Variants in SLC30A8 observed in about 807,000 individuals in gnomAD.
The protein encoded by SLC30A8 is solute carrier family 30 member 8, also known as proton-coupled zinc antiporter SLC30A8.
A neutral mutation model predicts 36.9 loss-of-function variants in SLC30A8; 27 were observed. That is an observed-to-expected ratio of 0.73 (90% CI 0.54 to 1.01). The LOEUF is 1.01. SLC30A8 is among the 50% of genes least tolerant of loss of function. The pLI is 0.00. For missense variants in SLC30A8, 439 were observed against 452.0 expected, an observed-to-expected ratio of 0.97 and a Z score of 0.26; for synonymous variants, 164 against 172.4, an observed-to-expected ratio of 0.95 and a Z score of 0.38.
intron 1 of SLC30A8, among the ~76,000 whole-genome samples, chr8:117,026,064 G>A (rs754906993): frequency 6.6e-6 from 1 of 152,152 alleles, no homozygotes; most frequent in African/African-American, 2.4e-5. Context: ...AGATGCAGGG[G>A]GGAGAAAAGG....
chr8:116,974,987 G>A (rs1814935041), intron 1 of SLC30A8, among the ~76,000 whole-genome samples: 1 of 140,092 alleles, frequency 7.1e-6, no homozygotes, highest in South Asian at 2.3e-4. Context: ...ATTGAACAAT[G>A]AGAACACTTG....
At chr8:117,101,705 T>C (rs1428775079) in intron 2 of SLC30A8, among the ~76,000 whole-genome samples, 2 of 152,242 alleles carry the variant, frequency 1.3e-5, no homozygotes, top group East Asian at 3.9e-4. Context: ...CAGCTGCCAG[T>C]GTGGCCAGAA....
At chr8:117,076,770 A>AT (rs34202690) in intron 2 of SLC30A8, among the ~76,000 whole-genome samples, 20,564 of 146,248 alleles carry the variant, frequency 0.14, 1,466 homozygotes, top group Non-Finnish European at 0.16. Flanking sequence ...TCAAATAGTC[A>AT]TTTTTTTTTT....
chr8:117,058,297 A>G (rs1817929105), intron 2 of SLC30A8, among the ~76,000 whole-genome samples: 1 of 152,104 alleles, frequency 6.6e-6, no homozygotes, highest in African/African-American at 2.4e-5. Flanking sequence ...ATCCCTTATC[A>G]TATATATGCA....
At chr8:116,994,071 G>A (rs561572376) in intron 1 of SLC30A8, among the ~76,000 whole-genome samples, 1 of 151,486 alleles carries the variant, frequency 6.6e-6, no homozygotes, top group Non-Finnish European at 1.5e-5. Context: ...AAGAAAAAAA[G>A]CACACTCTAG....
At chr8:117,046,322 A>T (rs898712283) in intron 2 of SLC30A8, among the ~76,000 whole-genome samples, 4 of 152,170 alleles carry the variant, frequency 2.6e-5, no homozygotes, top group African/African-American at 7.2e-5. Context: ...AATTCTCTAA[A>T]CATCTTTCTC....
intron 1 of SLC30A8, among the ~76,000 whole-genome samples, chr8:116,957,661 CT>C: frequency 6.6e-6 from 1 of 152,292 alleles, no homozygotes. Flanking sequence ...AGACTCAAAA[CT>C]AGGGGACTGT....
intron 3 of SLC30A8, among the ~76,000 whole-genome samples, chr8:117,154,094 T>A (rs1048947725): frequency 2.6e-5 from 4 of 152,192 alleles, no homozygotes; most frequent in African/African-American, 7.2e-5. Flanking sequence ...ATTTTAATTT[T>A]AATTTTAATA....
At chr8:117,009,215 T>C (rs1332018314) in intron 1 of SLC30A8, among the ~76,000 whole-genome samples, 1 of 152,058 alleles carries the variant, frequency 6.6e-6, no homozygotes, top group Non-Finnish European at 1.5e-5. Context: ...TTGACTGACG[T>C]TAAAAAAAGA....
At chr8:117,051,751 T>G (rs1003961350) in intron 2 of SLC30A8, among the ~76,000 whole-genome samples, 2 of 151,816 alleles carry the variant, frequency 1.3e-5, no homozygotes, top group African/African-American at 4.8e-5. Context: ...GGGCGGAGCT[T>G]GCAGTGAGCC....
At chr8:117,112,552 G>A (rs1820276448) in intron 2 of SLC30A8, among the ~76,000 whole-genome samples, 1 of 152,116 alleles carries the variant, frequency 6.6e-6, no homozygotes, top group Non-Finnish European at 1.5e-5. Flanking sequence ...GCCGGAGAGA[G>A]ACTGGGACAA....
chr8:117,103,520 A>C (rs908841888), intron 2 of SLC30A8, among the ~76,000 whole-genome samples: 3 of 152,032 alleles, frequency 2.0e-5, no homozygotes, highest in African/African-American at 7.3e-5. Context: ...TGTTGCCCAG[A>C]CTGGAGTGCA....
At chr8:117,077,515 A>C (rs1818528401) in intron 2 of SLC30A8, among the ~76,000 whole-genome samples, 1 of 152,230 alleles carries the variant, frequency 6.6e-6, no homozygotes. Context: ...CTATAAGAAT[A>C]AGAGAAAAAC....
Position 117,023,156 on chromosome 8 carries a change from A to C in SLC30A8, c.-265-16063A>C, listed in dbSNP as rs573881613. 2.3e-4 allele frequency among the ~76,000 whole-genome samples: 35 copies of C among 152,326 alleles called. 1 individual carries two copies. In the South Asian group the frequency reaches 4.4e-3, roughly 19 times the overall value. ...CATTGGCCATCAGAGAAATGCAAATAAAAACCACAATGAGATACCATCTCA... is the reference window on the plus strand; with the variant it reads ...CATTGGCCATCAGAGAAATGCAAATCAAAACCACAATGAGATACCATCTCA... On this transcript the variant is annotated intron_variant, in intron 1 of 10. Transcript: ENST00000427715.
Position 117,022,157 on chromosome 8 carries a change from G to A in SLC30A8, c.-265-17062G>A, listed in dbSNP as rs536397056. ...GGAGCTTGCAGTGAGCCGAGATAGC[G>A]CCACTGCTGTCCGGCCTGGGCAAAA... On this transcript the variant is annotated intron_variant, in intron 1 of 10. Transcript: ENST00000427715. Among the ~76,000 whole-genome samples, 9 of 151,230 alleles carry A rather than the reference G, an allele frequency of 6.0e-5. 1 individual carries two copies. Among genetic ancestry groups the A allele is most frequent in the African/African-American group, 1.5e-4 (6 of 41,196 alleles).
intron 1 of SLC30A8, among the ~76,000 whole-genome samples, chr8:117,146,193 T>C (rs978392132): frequency 1.3e-5 from 2 of 152,192 alleles, no homozygotes; most frequent in Non-Finnish European, 2.9e-5. Context: ...ATTTGATCTT[T>C]AAAAATTATA....
intron 3 of SLC30A8, 99 bp downstream of exon 3, chr8:117,153,189 C>G: frequency 1.6e-6 from 2 of 1,232,644 alleles, no homozygotes; most frequent in Non-Finnish European, 2.2e-6. Flanking sequence ...TTGGAAAGTC[C>G]TTAGAGACAC....
intron 1 of SLC30A8, among the ~76,000 whole-genome samples, chr8:117,036,488 T>A (rs1450505565): frequency 6.6e-6 from 1 of 152,104 alleles, no homozygotes; most frequent in East Asian, 1.9e-4. Context: ...CAATACTGGG[T>A]AATTTATAAA....
chr8:116,966,795 C>T (rs1382747176), intron 1 of SLC30A8, among the ~76,000 whole-genome samples: 1 of 152,118 alleles, frequency 6.6e-6, no homozygotes, highest in Middle Eastern at 3.2e-3. Context: ...GATGTTGTTA[C>T]TCAGGTATAA....
Sources: allele counts gnomAD v4.1 joint callset (sites outside exome capture counted in the v4.1 genomes callset), GRCh38; gene constraint gnomAD v4.1.1; transcripts MANE v1.5; gene names NCBI Gene and HGNC (gene_info 2026-07-23, HGNC 2026-07-21).